Variants in BMAL2 observed in about 807,000 individuals in gnomAD.
BMAL2 encodes basic helix-loop-helix ARNT like 2, also known as basic helix-loop-helix ARNT-like protein 2.
chr12:27,346,699 TCA>T, the BMAL2 span, among the ~76,000 whole-genome samples: 1 of 152,216 alleles, frequency 6.6e-6, no homozygotes, highest in East Asian at 1.9e-4. Flanking sequence ...CCAGTTGATG[TCA>T]CAGTTTTTGA....
At chr12:27,358,086 A>G in the BMAL2 span, among the ~76,000 whole-genome samples, 1 of 152,074 alleles carries the variant, frequency 6.6e-6, no homozygotes, top group African/African-American at 2.4e-5. Flanking sequence ...TGCACAGCAA[A>G]AGAAGTAATC....
chr12:27,406,386 G>A, the BMAL2 span, among the ~76,000 whole-genome samples: 449 of 152,366 alleles, frequency 2.9e-3, 3 homozygotes, highest in African/African-American at 0.01. Flanking sequence ...CAGACTAACA[G>A]CTGATCTCTC....
chr12:27,424,349 A>G, the BMAL2 span: 1 of 152,260 alleles, frequency 6.6e-6, no homozygotes, highest in Non-Finnish European at 1.5e-5. Flanking sequence ...TTTGAAAATA[A>G]TAAACTTTAA....
chr12:27,420,668 G>T, the BMAL2 span: 3 of 1,029,344 alleles, frequency 2.9e-6, no homozygotes, highest in South Asian at 2.6e-5. Context: ...TTATAGATTT[G>T]CATCTTCCTG....
chr12:27,410,442 G>A, the BMAL2 span, among the ~76,000 whole-genome samples: 1 of 152,204 alleles, frequency 6.6e-6, no homozygotes, highest in Non-Finnish European at 1.5e-5. Context: ...CATGTCCTTT[G>A]TAGGGACATG....
the BMAL2 span, among the ~76,000 whole-genome samples, chr12:27,371,715 TACAC>T: frequency 3.9e-5 from 4 of 103,874 alleles, no homozygotes; most frequent in Non-Finnish European, 5.9e-5. Context: ...GGTAAATACA[TACAC>T]ACACACACAC....
chr12:27,349,368 C>T, the BMAL2 span, among the ~76,000 whole-genome samples: 3 of 152,198 alleles, frequency 2.0e-5, no homozygotes, highest in Non-Finnish European at 4.4e-5. Flanking sequence ...AATTTTGAAT[C>T]ATGTGCTTGT....
the BMAL2 span, among the ~76,000 whole-genome samples, chr12:27,348,707 ATAGT>A: frequency 6.6e-6 from 1 of 152,198 alleles, no homozygotes; most frequent in Non-Finnish European, 1.5e-5. Context: ...CTTTTTCTGA[ATAGT>A]TATAGAATTG....
the BMAL2 span, among the ~76,000 whole-genome samples, chr12:27,340,225 T>TGGTTTTG: frequency 6.6e-6 from 1 of 152,234 alleles, no homozygotes; most frequent in South Asian, 2.1e-4. Flanking sequence ...TGGGTTTTTA[T>TGGTTTTG]GGTTTTGGAT....
the BMAL2 span, among the ~76,000 whole-genome samples, chr12:27,342,973 T>C: frequency 6.6e-6 from 1 of 152,246 alleles, no homozygotes; most frequent in South Asian, 2.1e-4. Context: ...CAAAACAGCC[T>C]GATCTTAGAG....
the BMAL2 span, among the ~76,000 whole-genome samples, chr12:27,391,169 T>C: frequency 3.6e-3 from 542 of 152,214 alleles, 2 homozygotes; most frequent in African/African-American, 0.012. Context: ...CAGTAGATAG[T>C]TTTTCAACCC....
chr12:27,351,662 C>T, the BMAL2 span, among the ~76,000 whole-genome samples: 2 of 152,160 alleles, frequency 1.3e-5, no homozygotes, highest in Non-Finnish European at 2.9e-5. Flanking sequence ...TCAAAGTAGC[C>T]AATTCCAAGC....
At chr12:27,335,484 A>T in the BMAL2 span, among the ~76,000 whole-genome samples, 1 of 152,208 alleles carries the variant, frequency 6.6e-6, no homozygotes. Context: ...GTTTTCACCT[A>T]TGATAGTGTA....
chr12:27,425,178 A>G, the BMAL2 span: 3 of 151,896 alleles, frequency 2.0e-5, no homozygotes, highest in Non-Finnish European at 4.4e-5. Flanking sequence ...GCTCGTCTGT[A>G]TATTGGTATT....
chr12:27,375,017 T>C, the BMAL2 span, among the ~76,000 whole-genome samples: 50 of 152,362 alleles, frequency 3.3e-4, no homozygotes, highest in Admixed American at 7.8e-4. Context: ...TATTTATAAA[T>C]TTGATTAAAT....
the BMAL2 span, among the ~76,000 whole-genome samples, chr12:27,414,833 C>G: frequency 1.3e-5 from 2 of 151,882 alleles, no homozygotes; most frequent in African/African-American, 2.4e-5. Context: ...ACTGATGAAA[C>G]TGAGTTGGGT....
the BMAL2 span, chr12:27,420,534 C>A: frequency 6.4e-7 from 1 of 1,554,126 alleles, no homozygotes. Flanking sequence ...ACCCTCTAGC[C>A]TTTGATTTTT....
chr12:27,409,240 A>G, the BMAL2 span, among the ~76,000 whole-genome samples: 1 of 152,220 alleles, frequency 6.6e-6, no homozygotes, highest in Non-Finnish European at 1.5e-5. Flanking sequence ...ATTGGAAAAA[A>G]CTACTTTAAA....
the BMAL2 span, chr12:27,401,485 C>T: frequency 6.5e-7 from 1 of 1,547,334 alleles, no homozygotes; most frequent in Non-Finnish European, 8.8e-7. Flanking sequence ...TTTTTATAGT[C>T]ATTGACTATT....
Sources: allele counts gnomAD v4.1 joint callset (sites outside exome capture counted in the v4.1 genomes callset), GRCh38; gene constraint gnomAD v4.1.1; transcripts MANE v1.5; gene names NCBI Gene and HGNC (gene_info 2026-07-23, HGNC 2026-07-21).